The following FILIP1 variants were observed in gnomAD, a reference collection of about 807,000 sequenced individuals.
FILIP1 encodes the protein filamin A interacting protein 1.
Under a neutral mutation model 102.1 loss-of-function variants are expected in FILIP1, and 61 were observed. The observed-to-expected ratio is 0.60, with a 90% CI of 0.49 to 0.74. The LOEUF (loss-of-function observed/expected upper bound fraction) is 0.74. Ranked by LOEUF, FILIP1 falls within the 30% of genes least tolerant of loss-of-function variation. The pLI is 0.00. For missense variants in FILIP1, 1,314 were observed against 1,441.2 expected (o/e 0.91, Z 1.43); for synonymous variants, 491 against 526.9 (o/e 0.93, Z 0.93).
intron 5 of FILIP1, among the ~76,000 whole-genome samples, chr6:75,311,087 C>T (rs1773166657): frequency 6.6e-6 from 1 of 152,154 alleles, no homozygotes; most frequent in African/African-American, 2.4e-5. Flanking sequence ...AACATCTAAA[C>T]AGTACAAGCT....
intron 2 of FILIP1, among the ~76,000 whole-genome samples, chr6:75,367,862 G>A (rs540847237): frequency 2.0e-4 from 30 of 152,188 alleles, no homozygotes; most frequent in African/African-American, 7.2e-4. Context: ...AAAGAATAAA[G>A]TTCAAAATGT....
intron 2 of FILIP1, among the ~76,000 whole-genome samples, chr6:75,398,512 T>C (rs1362072163): frequency 6.6e-6 from 1 of 152,104 alleles, no homozygotes; most frequent in Non-Finnish European, 1.5e-5. Context: ...GGGAAGATCA[T>C]GAGGAAGGAA....
chr6:75,359,984 A>C (rs1775123695), intron 3 of FILIP1, among the ~76,000 whole-genome samples: 1 of 152,204 alleles, frequency 6.6e-6, no homozygotes, highest in Non-Finnish European at 1.5e-5. Flanking sequence ...AAATCCCTAG[A>C]CTTTACGAAA....
intron 1 of FILIP1, among the ~76,000 whole-genome samples, chr6:75,470,708 A>T (rs771651963): frequency 2.1e-4 from 32 of 152,198 alleles, no homozygotes; most frequent in Admixed American, 1.6e-3. Context: ...TTAAAAAATA[A>T]AAGTTTGATT....
chr6:75,346,546 T>G (rs1447578636), intron 4 of FILIP1, among the ~76,000 whole-genome samples: 1 of 152,158 alleles, frequency 6.6e-6, no homozygotes, highest in African/African-American at 2.4e-5. Flanking sequence ...ATAAGCAACA[T>G]GCTCCTAGTT....
intron 2 of FILIP1, 46 bp from the exon 3 acceptor site, chr6:75,362,963 C>A (rs114847282): frequency 5.6e-5 from 89 of 1,579,698 alleles, no homozygotes; most frequent in Non-Finnish European, 7.3e-5. Flanking sequence ...CAATGTAAAT[C>A]GCATACTGGG....
chr6:75,294,792 A>C (rs1562412660), exon 7 of FILIP1: 2 of 151,060 alleles, frequency 1.3e-5, no homozygotes, highest in African/African-American at 4.9e-5. Context: ...TCCTGGGCTC[A>C]AGTGATCCTC....
At chr6:75,389,081 G>C (rs1776195964) in intron 2 of FILIP1, among the ~76,000 whole-genome samples, 1 of 152,272 alleles carries the variant, frequency 6.6e-6, no homozygotes, top group Non-Finnish European at 1.5e-5. Context: ...TTAGCATGAA[G>C]GGCTGTTGAA....
At chr6:75,397,479 T>A (rs1776501311) in intron 2 of FILIP1, among the ~76,000 whole-genome samples, 1 of 92,104 alleles carries the variant, frequency 1.1e-5, no homozygotes, top group Admixed American at 1.1e-4. Flanking sequence ...GTTTGCTAAT[T>A]AAATATATAT....
chr6:75,391,554 T>C (rs1776280808), intron 2 of FILIP1, among the ~76,000 whole-genome samples: 1 of 152,184 alleles, frequency 6.6e-6, no homozygotes, highest in Admixed American at 6.6e-5. Flanking sequence ...TCTTTGCTGG[T>C]ATATATGACC....
exon 7 of FILIP1, chr6:75,294,529 G>A (rs1298067988): frequency 6.6e-6 from 1 of 152,100 alleles, no homozygotes; most frequent in African/African-American, 2.4e-5. Context: ...CTCTGACGTT[G>A]AGATTTGAGT....
intron 2 of FILIP1, among the ~76,000 whole-genome samples, chr6:75,402,149 C>A (rs1180556280): frequency 6.6e-6 from 1 of 152,024 alleles, no homozygotes; most frequent in African/African-American, 2.4e-5. Context: ...CCTACAACAC[C>A]AATGCGGACA....
At chr6:75,366,572 T>A (rs1305840380) in intron 2 of FILIP1, among the ~76,000 whole-genome samples, 1 of 152,232 alleles carries the variant, frequency 6.6e-6, no homozygotes, top group Non-Finnish European at 1.5e-5. Context: ...ATAATAACTT[T>A]CTTATATACT....
At chr6:75,462,896 G>T (rs1779065087) in intron 1 of FILIP1, among the ~76,000 whole-genome samples, 1 of 152,152 alleles carries the variant, frequency 6.6e-6, no homozygotes, top group Non-Finnish European at 1.5e-5. Context: ...CCCAAGAGCA[G>T]TTAAGTGGAG....
At chr6:75,408,083 A>G (rs1582460038) in intron 2 of FILIP1, among the ~76,000 whole-genome samples, 1 of 152,304 alleles carries the variant, frequency 6.6e-6, no homozygotes, top group East Asian at 1.9e-4. Flanking sequence ...GTACTATTTT[A>G]TTACTTTCAG....
intron 2 of FILIP1, among the ~76,000 whole-genome samples, chr6:75,385,841 A>AT (rs10716918): frequency 2.9e-3 from 412 of 141,016 alleles, no homozygotes; most frequent in Middle Eastern, 7.6e-3. Context: ...GCCCCTTAGG[A>AT]TTTTTTTTTT....
intron 2 of FILIP1, 29 bp from the exon 3 acceptor site, chr6:75,362,946 C>T (rs753668610): frequency 4.1e-5 from 65 of 1,604,490 alleles, no homozygotes; most frequent in Middle Eastern, 1.7e-4. Flanking sequence ...CAAGATCAGA[C>T]GACTGACAAT....
At chr6:75,442,321 G>A (rs1342235582) in intron 1 of FILIP1, among the ~76,000 whole-genome samples, 2 of 152,138 alleles carry the variant, frequency 1.3e-5, no homozygotes, top group Non-Finnish European at 2.9e-5. Flanking sequence ...GGATGGCCAG[G>A]CAGAGACGCT....
downstream of FILIP1, among the ~76,000 whole-genome samples, chr6:75,306,053 C>A (rs1487662894): frequency 6.6e-6 from 1 of 152,216 alleles, no homozygotes; most frequent in African/African-American, 2.4e-5. Context: ...ATTTAGTTCA[C>A]CACCTCCTAT....
Sources: gnomAD v4.1 joint callset for allele counts (sites outside exome capture counted in the v4.1 genomes callset) on GRCh38, gnomAD v4.1.1 for gene constraint, MANE v1.5 for transcripts, NCBI Gene and HGNC (gene_info 2026-07-23, HGNC 2026-07-21) for gene names.